The following LHFPL3 variants were observed in gnomAD, a reference collection of about 807,000 sequenced individuals.
LHFPL3 encodes LHFPL tetraspan subfamily member 3, also known as LHFPL tetraspan subfamily member 3 protein.
A neutral mutation model predicts 19.3 loss-of-function variants in LHFPL3; 5 were observed. That is an observed-to-expected ratio of 0.26 (90% CI 0.14 to 0.54). LHFPL3 has a LOEUF of 0.54. Among genes scored for constraint, LHFPL3 ranks in the 20% least tolerant of loss-of-function variants. The probability of loss-of-function intolerance (pLI) is 0.94; values close to 1 mark genes in which losing one functional copy is unlikely to be tolerated. For missense variants in LHFPL3, 249 were observed against 307.4 expected (o/e 0.81, Z 1.42); for synonymous variants, 133 against 126.2 (o/e 1.05, Z -0.36).
intron 2 of LHFPL3, among the ~76,000 whole-genome samples, chr7:104,808,780 C>T (rs1325374598): frequency 6.6e-6 from 1 of 151,818 alleles, no homozygotes; most frequent in African/African-American, 2.4e-5. Flanking sequence ...AAGATTATTA[C>T]CATTAAGACA....
intron 1 of LHFPL3, among the ~76,000 whole-genome samples, chr7:104,576,252 G>C (rs1790337163): frequency 6.6e-6 from 1 of 152,164 alleles, no homozygotes; most frequent in African/African-American, 2.4e-5. Flanking sequence ...AGGAAGGAAA[G>C]AGTTTGAGGA....
At chr7:104,571,057 G>C (rs1275567058) in intron 1 of LHFPL3, among the ~76,000 whole-genome samples, 2 of 152,170 alleles carry the variant, frequency 1.3e-5, no homozygotes, top group Non-Finnish European at 2.9e-5. Flanking sequence ...ATGTGAGTCA[G>C]AATAGCATCT....
chr7:104,329,232 C>T lies in LHFPL3; in HGVS notation c.445+8C>T. 1 of 1,589,722 alleles carries T rather than the reference C, an allele frequency of 6.3e-7. No individual in the cohort carries two copies. ...GGATGCAGCTCACCTCCGGTGAGTGCGCGCTCACCTCCGCGGAGGCGGAGG... is the reference window on the plus strand; with the variant it reads ...GGATGCAGCTCACCTCCGGTGAGTGTGCGCTCACCTCCGCGGAGGCGGAGG... On this transcript the variant is annotated splice_region_variant and intron_variant, in intron 1 of 2. Transcript: ENST00000424859.
chr7:104,605,580 TCA>T (rs112527973), intron 1 of LHFPL3, among the ~76,000 whole-genome samples: 171 of 152,276 alleles, frequency 1.1e-3, no homozygotes, highest in African/African-American at 4.1e-3. Context: ...ACATACACAC[TCA>T]GACACACACA....
chr7:104,744,681 C>T (rs1794006295), intron 2 of LHFPL3, among the ~76,000 whole-genome samples: 1 of 152,206 alleles, frequency 6.6e-6, no homozygotes, highest in African/African-American at 2.4e-5. Flanking sequence ...ACTCCAACCT[C>T]CCAATTGCTA....
rs190661808 is a variant in LHFPL3 at position 104,677,326 on chromosome 7, A to G, written c.446-59349A>G. ...TCGGAGTTCAAGGCTACAGCAGGCT[A>G]TGATCATACCACTGTACTCCAGCAG... is the stretch of plus-strand genomic sequence containing the variant. On this transcript the variant is annotated intron_variant, in intron 1 of 2. Coordinates refer to ENST00000424859, the MANE Select transcript of LHFPL3 (RefSeq NM_199000.3). 3.1e-4 allele frequency among the ~76,000 whole-genome samples: 47 copies of G among 151,706 alleles called. No individual in the cohort carries two copies. In the East Asian group the frequency reaches 8.9e-3, roughly 29 times the overall value.
intron 1 of LHFPL3, among the ~76,000 whole-genome samples, chr7:104,679,805 T>C (rs1473051756): frequency 6.6e-6 from 1 of 152,170 alleles, no homozygotes; most frequent in African/African-American, 2.4e-5. Context: ...ACAAGGCTCA[T>C]TGTAAAATAA....
intron 1 of LHFPL3, among the ~76,000 whole-genome samples, chr7:104,363,534 TC>T (rs1481311520): frequency 6.6e-6 from 1 of 152,144 alleles, no homozygotes; most frequent in Non-Finnish European, 1.5e-5. Flanking sequence ...CACCTGGGGA[TC>T]TAGGCTGATG....
At chr7:104,795,577 G>A (rs1790108269) in intron 2 of LHFPL3, among the ~76,000 whole-genome samples, 2 of 152,150 alleles carry the variant, frequency 1.3e-5, no homozygotes, top group East Asian at 1.9e-4. Context: ...ATTCCCCAAA[G>A]CAACTGTCAG....
intron 1 of LHFPL3, among the ~76,000 whole-genome samples, chr7:104,679,900 A>G (rs1180394946): frequency 1.3e-5 from 2 of 152,172 alleles, no homozygotes; most frequent in Admixed American, 6.5e-5. Flanking sequence ...CATTCATTCT[A>G]TTTGAAATAA....
intron 2 of LHFPL3, among the ~76,000 whole-genome samples, chr7:104,868,858 G>A (rs1791780054): frequency 6.6e-6 from 1 of 152,098 alleles, no homozygotes; most frequent in Admixed American, 6.6e-5. Context: ...AAACAGCATG[G>A]TACTGGTACC....
At chr7:104,448,812 A>G (rs942450895) in intron 1 of LHFPL3, among the ~76,000 whole-genome samples, 1 of 152,210 alleles carries the variant, frequency 6.6e-6, no homozygotes, top group Non-Finnish European at 1.5e-5. Context: ...ATGATTTTAT[A>G]ATGTTTAGGC....
chr7:104,872,735 G>A (rs1204431664), intron 2 of LHFPL3, among the ~76,000 whole-genome samples: 1 of 152,084 alleles, frequency 6.6e-6, no homozygotes, highest in African/African-American at 2.4e-5. Flanking sequence ...GGTCCTTGGG[G>A]ACAATAACAC....
intron 1 of LHFPL3, among the ~76,000 whole-genome samples, chr7:104,463,554 A>G (rs10235065): frequency 0.18 from 27,742 of 152,152 alleles, 2,561 homozygotes; most frequent in African/African-American, 0.22. Flanking sequence ...GTTTTAATTG[A>G]CTCACAGTTT....
intron 2 of LHFPL3, among the ~76,000 whole-genome samples, chr7:104,828,272 A>G (rs558309789): frequency 6.5e-4 from 99 of 152,022 alleles, no homozygotes; most frequent in Non-Finnish European, 1.2e-3. Context: ...TGCCCTTAGA[A>G]CATAGAGGCA....
chr7:104,880,062 C>G (rs765686442), intron 2 of LHFPL3, among the ~76,000 whole-genome samples: 2 of 152,006 alleles, frequency 1.3e-5, no homozygotes, highest in African/African-American at 2.4e-5. Flanking sequence ...AAGACAGGCT[C>G]TCTTTTTAGG....
chr7:104,794,481 G>A (rs1042305110), intron 2 of LHFPL3, among the ~76,000 whole-genome samples: 1 of 152,162 alleles, frequency 6.6e-6, no homozygotes, highest in Admixed American at 6.5e-5. Context: ...GTAGAATTAC[G>A]GTGGCTGTCA....
chr7:104,717,783 T>C (rs7807403), intron 1 of LHFPL3, among the ~76,000 whole-genome samples: 145,633 of 152,242 alleles, frequency 0.96, 69,686 homozygotes, highest in East Asian at 0.99. Flanking sequence ...ACCATATGAT[T>C]CAGCAATCCT....
intron 1 of LHFPL3, among the ~76,000 whole-genome samples, chr7:104,341,939 A>T (rs1789963118): frequency 6.6e-6 from 1 of 152,234 alleles, no homozygotes; most frequent in African/African-American, 2.4e-5. Context: ...GTAGAAGGGA[A>T]AGCTCCTTTA....
Sources: allele counts gnomAD v4.1 joint callset (sites outside exome capture counted in the v4.1 genomes callset), GRCh38; gene constraint gnomAD v4.1.1; transcripts MANE v1.5; gene names NCBI Gene and HGNC (gene_info 2026-07-23, HGNC 2026-07-21).